EPHA2: variants seen among roughly 807,000 people sequenced by gnomAD.
EPHA2 encodes the protein ephrin type-A receptor 2.
In EPHA2, 54 loss-of-function variants were observed where a neutral mutation model predicts 104.9. The ratio of observed to expected loss-of-function variants is 0.51; its 90% confidence interval spans 0.41 to 0.65. The LOEUF is 0.65. EPHA2 is among the 30% of genes least tolerant of loss of function. The probability of loss-of-function intolerance (pLI) is 0.00; values close to 1 mark genes in which losing one functional copy is unlikely to be tolerated. For missense variants in EPHA2, 1,117 were observed against 1,369.5 expected, an observed-to-expected ratio of 0.82 and a Z score of 2.91; for synonymous variants, 560 against 559.1, an observed-to-expected ratio of 1.00 and a Z score of -0.02.
chr1:16,137,082 G>A lies in EPHA2; in HGVS notation c.1312+771C>T, dbSNP rs113484759. On this transcript the variant is annotated intron_variant, in intron 5 of 16. Coordinates refer to ENST00000358432, the MANE Select transcript of EPHA2 (RefSeq NM_004431.5). ...CCCAAAGTGCTGGGATTACAGGCATGAGCCACCGCGCCCAGTCTCAATTCT... is the reference window on the plus strand; with the variant it reads ...CCCAAAGTGCTGGGATTACAGGCATAAGCCACCGCGCCCAGTCTCAATTCT... 2.2e-3 allele frequency among the ~76,000 whole-genome samples: 334 copies of A among 152,114 alleles called. 2 individuals are homozygous for A. Among genetic ancestry groups the A allele is most frequent in the African/African-American group, 7.7e-3 (318 of 41,518 alleles).
chr1:16,142,894 G>GTGGA (rs1166412894), intron 3 of EPHA2, among the ~76,000 whole-genome samples: 5 of 140,484 alleles, frequency 3.6e-5, no homozygotes, highest in African/African-American at 1.3e-4. Flanking sequence ...GAATGGACAA[G>GTGGA]TGGATGGGTG....
At position 16,135,701 on chromosome 1, in the gene EPHA2, G is replaced by T. The variant is rs761494023; in HGVS notation, c.1382C>A (p.Pro461Gln). The part of the protein sequence containing the change: ...SLSVSWSIPP[P>Q]QQSRVWKYEV... ...GTACTTCCACACTCGGCTCTGCTGC[G>T]GCGGGGGGATGCTCCAGGAGACGCT... The change falls in exon 6 of 17, where the codon CCG becomes CAG. Residue 461 changes from proline (P) to glutamine (Q), a missense_variant. Pro to Gln is a moderately conservative substitution (Grantham distance 76). Around this residue, in one of 3 missense-constraint regions of EPHA2, gnomAD observed 664 missense variants for 784.8 expected, o/e 0.85. Transcript: ENST00000358432. The surrounding 1 kb of genome is among the most constrained non-coding windows in gnomAD (Gnocchi z 4.3). 13 of 1,613,748 alleles carry T rather than the reference G, an allele frequency of 8.1e-6. No individual in the cohort carries two copies. In the East Asian group the frequency reaches 2.7e-4, roughly 33 times the overall value.
chr1:16,153,506 C>G (rs983218139), intron 1 of EPHA2, among the ~76,000 whole-genome samples: 12 of 152,222 alleles, frequency 7.9e-5, no homozygotes, highest in Non-Finnish European at 1.3e-4. Context: ...CCCGCCCAGG[C>G]CCCTGCCCAG....
chr1:16,153,209 C>T, intron 1 of EPHA2: 1 of 985,408 alleles, frequency 1.0e-6, no homozygotes, highest in Non-Finnish European at 1.2e-6. Context: ...CCACATTGCT[C>T]CACAGCTTCT....
intron 3 of EPHA2, among the ~76,000 whole-genome samples, chr1:16,146,663 G>C (rs1455948421): frequency 6.6e-6 from 1 of 152,200 alleles, no homozygotes; most frequent in Non-Finnish European, 1.5e-5. Context: ...GCATGGGCCG[G>C]AGCAGAGCCT....
intron 1 of EPHA2, among the ~76,000 whole-genome samples, chr1:16,154,525 G>T (rs1424300946): frequency 6.6e-6 from 1 of 151,890 alleles, no homozygotes; most frequent in Non-Finnish European, 1.5e-5. Context: ...AGGCCGCGGC[G>T]GGTGGATCAC....
chr1:16,140,300 AT>A (rs2024798470), intron 3 of EPHA2, among the ~76,000 whole-genome samples: 1 of 152,204 alleles, frequency 6.6e-6, no homozygotes, highest in African/African-American at 2.4e-5. Flanking sequence ...GCTCAGGCAC[AT>A]AGGGCAGGGA....
chr1:16,126,521 C>A (rs1163639056), intron 16 of EPHA2, among the ~76,000 whole-genome samples: 1 of 152,182 alleles, frequency 6.6e-6, no homozygotes, highest in Non-Finnish European at 1.5e-5. Context: ...GCTGGTGCTC[C>A]CACAGCAGCA....
chr1:16,147,385 C>T (rs908963843), intron 3 of EPHA2, among the ~76,000 whole-genome samples: 17 of 152,144 alleles, frequency 1.1e-4, no homozygotes, highest in African/African-American at 1.2e-4. Context: ...AAAAGCTCCG[C>T]GGGTGATCCT....
rs188944275 is a variant in EPHA2, at chr1:16,130,094, A to G, written c.2669+132T>C. On this transcript the variant is annotated intron_variant, in intron 15 of 16. Coordinates refer to ENST00000358432, the MANE Select transcript of EPHA2 (RefSeq NM_004431.5). This position sits in a 1 kb window ranked among gnomAD's most constrained non-coding sequence, Gnocchi z 4.5. ...GGGCCATCGTGTCCAGTCTAAGTCA[A>G]GTCCACACATAACCTCTTAGCCCCC... The G allele has an allele frequency of 2.6e-5, 32 of 1,238,852 alleles. No homozygotes were observed. In the South Asian group the frequency reaches 3.9e-4, roughly 15 times the overall value. The allele number at this position is 1,238,852 out of a possible 1,614,324, so 76.7% of individuals were successfully genotyped here. A position where few individuals can be genotyped will look rare whatever the true frequency, so the allele number is the denominator to read the frequency against.
chr1:16,133,753 G>A (rs1009092418), intron 9 of EPHA2, 107 bp downstream of exon 9: 14 of 1,487,812 alleles, frequency 9.4e-6, no homozygotes, highest in African/African-American at 4.2e-5. Context: ...ACGGAAGCCT[G>A]TGGCCCCACC....
chr1:16,136,689 AGAG>A lies in EPHA2; in HGVS notation c.1313-922_1313-920del, dbSNP rs1471466270. ...AAGAAGAAAAGAAGAAGAAAGAAGA[AGAG>A]GAAGAAGAAGAAGAAGAAGAAAAGA... is the stretch of plus-strand genomic sequence containing the variant. On this transcript the variant is annotated intron_variant, in intron 5 of 16. Transcript: ENST00000358432. Among the ~76,000 whole-genome samples, 50 of 117,014 alleles carry A rather than the reference AGAG, an allele frequency of 4.3e-4. 2 individuals carry two copies. The highest frequency in any genetic ancestry group is 1.9e-3 in the African/African-American group (34 of 17,618). The allele number at this position is 117,014 out of a possible 152,430, so 76.8% of individuals were successfully genotyped here.
chr1:16,127,831 C>A (rs996041376), intron 16 of EPHA2, among the ~76,000 whole-genome samples: 7 of 152,200 alleles, frequency 4.6e-5, no homozygotes, highest in Non-Finnish European at 1.0e-4. Flanking sequence ...CACACACACA[C>A]AGCCTCCATC....
intron 2 of EPHA2, among the ~76,000 whole-genome samples, chr1:16,149,823 A>G (rs1450240568): frequency 6.6e-6 from 1 of 152,206 alleles, no homozygotes; most frequent in African/African-American, 2.4e-5. Context: ...CAGAGTCTGC[A>G]TCTAATTCAC....
chr1:16,140,000 C>G (rs1424812889), intron 3 of EPHA2, among the ~76,000 whole-genome samples: 1 of 152,196 alleles, frequency 6.6e-6, no homozygotes, highest in Non-Finnish European at 1.5e-5. Flanking sequence ...TGCCCTGACC[C>G]AAGCAAACCT....
At chr1:16,155,074 T>A (rs958969511) in intron 1 of EPHA2, 1 of 151,770 alleles carries the variant, frequency 6.6e-6, no homozygotes, top group African/African-American at 2.4e-5. Context: ...GGTGATTCAG[T>A]CCCCCACCCC....
At position 16,148,876 on chromosome 1, in the gene EPHA2, G is replaced by T. The variant is rs1162979573; in HGVS notation, c.325C>A (p.Pro109Thr). The T allele has an allele frequency of 6.2e-7, 1 of 1,614,032 alleles. No individual in the cohort carries two copies. The highest frequency in any genetic ancestry group is 8.5e-7 in the Non-Finnish European group (1 of 1,180,054). ...KFTVRDCNSF[P>T]GGASSCKETF... ...TCCTTGCAGGAGCTGGCGCCACCAGGGAAGCTGTTGCAGTCACGTACAGTA... is the reference window on the plus strand; with the variant it reads ...TCCTTGCAGGAGCTGGCGCCACCAGTGAAGCTGTTGCAGTCACGTACAGTA... The change falls in exon 3 of 17, where the codon CCT becomes ACT. Residue 109 changes from proline (P) to threonine (T), a missense_variant. Around this residue, in one of 3 missense-constraint regions of EPHA2, gnomAD observed 664 missense variants for 784.8 expected, o/e 0.85. Transcript: ENST00000358432. The surrounding 1 kb of genome is among the most constrained non-coding windows in gnomAD (Gnocchi z 4.9).
At position 16,138,025 on chromosome 1, in the gene EPHA2, C is replaced by T. The variant is rs1420460490; in HGVS notation, c.1140G>A (p.Glu380=). ...GAGGCTCCGAGTAGCGCACACTGGC[C>T]TCACACGGCCCGCATTCCCCAGACT... ...WPESGECGPC[E]ASVRYSEPPH... Residue 380 remains glutamate (E), a synonymous_variant, in exon 5 of 17, where the codon GAG becomes GAA. Transcript: ENST00000358432. 6.2e-7 allele frequency: 1 copy of T among 1,613,682 alleles called. No individual in the cohort carries two copies. Among genetic ancestry groups the T allele is most frequent in the Non-Finnish European group, 8.5e-7 (1 of 1,179,972 alleles).
chr1:16,145,388 C>T (rs1172187403), intron 3 of EPHA2, among the ~76,000 whole-genome samples: 1 of 152,238 alleles, frequency 6.6e-6, no homozygotes, highest in African/African-American at 2.4e-5. Flanking sequence ...AGGTGCCTCC[C>T]TTCCTCTGCC....
Sources: allele counts gnomAD v4.1 joint callset (sites outside exome capture counted in the v4.1 genomes callset), GRCh38; gene constraint gnomAD v4.1.1; regional missense constraint gnomAD v4.1.1; non-coding constraint Gnocchi (gnomAD v3.1); transcripts MANE v1.5; gene names NCBI Gene and HGNC (gene_info 2026-07-23, HGNC 2026-07-21).